The following PIP4P1 variants were observed in gnomAD, a reference collection of about 807,000 sequenced individuals.
PIP4P1 encodes the protein type 1 phosphatidylinositol 4,5-bisphosphate 4-phosphatase.
Under a neutral mutation model 32.3 loss-of-function variants are expected in PIP4P1, and 14 were observed. That is an observed-to-expected ratio of 0.43 (90% CI 0.29 to 0.68). PIP4P1 has a LOEUF of 0.68. PIP4P1 is among the 30% of genes least tolerant of loss of function. PIP4P1 has a pLI of 0.15. For synonymous variants in PIP4P1, 132 were observed against 137.9 expected, an observed-to-expected ratio of 0.96 and a Z score of 0.30; for missense variants, 289 against 364.5, an observed-to-expected ratio of 0.79 and a Z score of 1.69.
At chr14:20,460,083 C>G in intron 3 of PIP4P1, 109 bp downstream of exon 3, 2 of 839,880 alleles carry the variant, frequency 2.4e-6, no homozygotes, top group South Asian at 2.8e-5. Context: ...AAAGCCTTTT[C>G]TCCTAAATAA....
At chr14:20,458,913 A>G in intron 6 of PIP4P1, 1 of 658,926 alleles carries the variant, frequency 1.5e-6, no homozygotes, top group Non-Finnish European at 2.5e-6. Flanking sequence ...ACTGTATCTC[A>G]GTTTTTCTTA....
intron 1 of PIP4P1, 90 bp from the exon 2 acceptor site, chr14:20,460,935 TCTGA>T: frequency 7.1e-7 from 1 of 1,416,842 alleles, no homozygotes; most frequent in Non-Finnish European, 9.4e-7. Flanking sequence ...TCTTCAACCC[TCTGA>T]CCAAGCTCGG....
intron 1 of PIP4P1, 57 bp downstream of exon 1, chr14:20,461,127 T>G: frequency 7.9e-7 from 1 of 1,266,852 alleles, no homozygotes; most frequent in Non-Finnish European, 1.0e-6. Context: ...GCTTTCAGAG[T>G]ACCCCGGGGA....
At chr14:20,460,994 C>G (rs369380411) in intron 1 of PIP4P1, 149 bp from the exon 2 acceptor site, 4 of 1,265,618 alleles carry the variant, frequency 3.2e-6, no homozygotes, top group Non-Finnish European at 3.1e-6. Context: ...CTCAGAACCC[C>G]CTTCCGTCCC....
At chr14:20,459,497 C>T in intron 4 of PIP4P1, 57 bp from the exon 5 acceptor site, 2 of 1,608,276 alleles carry the variant, frequency 1.2e-6, no homozygotes, top group Non-Finnish European at 1.7e-6. Context: ...CAATGAGAAC[C>T]TTGGGGTGGG....
At chr14:20,459,066 C>A (rs1256257659) in intron 6 of PIP4P1, 140 bp downstream of exon 6, 16 of 862,052 alleles carry the variant, frequency 1.9e-5, no homozygotes, top group Non-Finnish European at 2.9e-5. Context: ...CCACTTTGCA[C>A]TTTAGCTCAT....
At chr14:20,458,880 G>A (rs769058065) in intron 6 of PIP4P1, 178 bp from the exon 7 acceptor site, 41 of 733,600 alleles carry the variant, frequency 5.6e-5, no homozygotes, top group Non-Finnish European at 8.0e-5. Context: ...TCCCTTAGGC[G>A]TAACATACTC....
chr14:20,460,788 G>C lies in PIP4P1; in HGVS notation c.200C>G (p.Pro67Arg), dbSNP rs141524792. 466 of 1,601,792 alleles carry C rather than the reference G, an allele frequency of 2.9e-4. 1 individual carries two copies. The highest frequency in any genetic ancestry group is 6.9e-4 in the Admixed American group (40 of 58,020). The change falls in exon 2 of 7, where the codon CCC (proline) becomes CGC (arginine). Residue 67 changes from proline to arginine, a missense_variant. Coordinates refer to ENST00000250489, the MANE Select transcript of PIP4P1 (RefSeq NM_144568.4). ...GTCCGGGCTAGTTAAGGGTGAATAG[G>C]GGGGTGGGTCCTCCCCAGGCAACAC... ...PAVLPGEDPP[P>R]YSPLTSPDSG...
intron 2 of PIP4P1, 178 bp downstream of exon 2, chr14:20,460,477 G>A (rs1280051147): frequency 1.3e-6 from 1 of 763,156 alleles, no homozygotes; most frequent in African/African-American, 1.8e-5. Flanking sequence ...GTGAGAGAAA[G>A]TGAACATTAG....
chr14:20,459,539 T>C, intron 4 of PIP4P1, 89 bp downstream of exon 4: 3 of 1,575,984 alleles, frequency 1.9e-6, no homozygotes, highest in South Asian at 1.1e-5. Flanking sequence ...GGACAGACCT[T>C]TCAGGGGTCA....
In PIP4P1 at chr14:20,461,424, A is replaced by G; in HGVS notation, c.-99T>C. ...CACCGCCGCCACCGCCACCGCCGCT[A>G]CCGGGTCCCCAGGGCGCCTGCGCGC... is the stretch of plus-strand genomic sequence containing the variant. On this transcript the variant is annotated 5_prime_UTR_variant, in exon 1 of 7. Transcript: ENST00000250489. The G allele has an allele frequency of 1.7e-6, 2 of 1,190,586 alleles. No homozygotes were observed. The highest frequency in any genetic ancestry group is 2.1e-6 in the Non-Finnish European group (2 of 950,798). The allele number at this position is 1,190,586 out of a possible 1,614,324, so 73.8% of individuals were successfully genotyped here. A position where few individuals can be genotyped will look rare whatever the true frequency, so the allele number is the denominator to read the frequency against.
Position 20,457,962 on chromosome 14 carries a change from T to A in PIP4P1, c.*597A>T. The A allele has an allele frequency of 3.3e-6, 1 of 298,728 alleles. No individual in the cohort carries two copies. The highest frequency in any genetic ancestry group is 3.2e-5 in the South Asian group (1 of 31,448). The allele number at this position is 298,728 out of a possible 1,614,324, so 18.5% of individuals were successfully genotyped here. A position where few individuals can be genotyped will look rare whatever the true frequency, so the allele number is the denominator to read the frequency against. ...CAGTTAAATACTGCAACTGGGGGGGTAAAAAAGGTCGGGAGGAGGAATTAA... is the reference window on the plus strand; with the variant it reads ...CAGTTAAATACTGCAACTGGGGGGGAAAAAAAGGTCGGGAGGAGGAATTAA... On this transcript the variant is annotated 3_prime_UTR_variant, in exon 7 of 7. Coordinates refer to ENST00000250489, the MANE Select transcript of PIP4P1 (RefSeq NM_144568.4).
rs1881706599 is a variant in PIP4P1, at chr14:20,461,360, T to G, written c.-35A>C. Reference sequence around the variant, plus strand: ...CGCCGCCTCCCGCTCAGGTCGGCGATCCGGCTCCCTTCGCCTCTGCCGTCG... The same window carrying G: ...CGCCGCCTCCCGCTCAGGTCGGCGAGCCGGCTCCCTTCGCCTCTGCCGTCG... On this transcript the variant is annotated 5_prime_UTR_variant, in exon 1 of 7. Transcript: ENST00000250489. 1 of 1,258,414 alleles carries G rather than the reference T, an allele frequency of 7.9e-7. No homozygotes were observed. The allele number at this position is 1,258,414 out of a possible 1,614,324, so 78.0% of individuals were successfully genotyped here.
rs889341249 is a variant in PIP4P1 at position 20,461,421 on chromosome 14, G to A, written c.-96C>T. On this transcript the variant is annotated 5_prime_UTR_variant, in exon 1 of 7. Coordinates refer to ENST00000250489, the MANE Select transcript of PIP4P1 (RefSeq NM_144568.4). ...CGCCACCGCCGCCACCGCCACCGCC[G>A]CTACCGGGTCCCCAGGGCGCCTGCG... The A allele has an allele frequency of 1.8e-5, 21 of 1,193,742 alleles. No individual in the cohort carries two copies. Among genetic ancestry groups the A allele is most frequent in the East Asian group, 3.2e-5 (1 of 31,316 alleles). The allele number at this position is 1,193,742 out of a possible 1,614,324, so 73.9% of individuals were successfully genotyped here. A position where few individuals can be genotyped will look rare whatever the true frequency, so the allele number is the denominator to read the frequency against.
Position 20,461,283 on chromosome 14 carries a change from T to C in PIP4P1, c.43A>G (p.Ile15Val), listed in dbSNP as rs947046547. 3.1e-6 allele frequency: 4 copies of C among 1,290,054 alleles called. No individual in the cohort carries two copies. The African/African-American group carries it at 6.1e-5, about 20-fold the overall frequency. 79.9% of individuals were successfully genotyped at this position (1,290,054 alleles called of 1,614,324 possible). A position where few individuals can be genotyped will look rare whatever the true frequency, so the allele number is the denominator to read the frequency against. Reference sequence around the variant, plus strand: ...CCGTTGCCGCCCGCGCCACCGTCGATGGGCTCAGACAGCAGCGGGGAACGC... The same window carrying C: ...CCGTTGCCGCCCGCGCCACCGTCGACGGGCTCAGACAGCAGCGGGGAACGC... ...GERSPLLSEP[I>V]DGGAGGNGLV... Residue 15 changes from isoleucine to valine, a missense_variant, in exon 1 of 7, where the codon ATC becomes GTC. By Grantham distance (29) the Ile-to-Val change is conservative. Around this residue, in one of 2 missense-constraint regions of PIP4P1, gnomAD observed 108 missense variants for 101.2 expected, o/e 1.07. Transcript: ENST00000250489.
Position 20,461,386 on chromosome 14 carries a change from C to A in PIP4P1, c.-61G>T. ...CCGGCTCCCTTCGCCTCTGCCGTCGCCGCAGCCACCGCCACCGCCGCCACC... is the reference window on the plus strand; with the variant it reads ...CCGGCTCCCTTCGCCTCTGCCGTCGACGCAGCCACCGCCACCGCCGCCACC... On this transcript the variant is annotated 5_prime_UTR_variant, in exon 1 of 7. Transcript: ENST00000250489. 1.2e-5 allele frequency: 15 copies of A among 1,236,868 alleles called. No individual in the cohort carries two copies. The highest frequency in any genetic ancestry group is 1.5e-5 in the Non-Finnish European group (15 of 990,640). 76.6% of individuals were successfully genotyped at this position (1,236,868 alleles called of 1,614,324 possible).
chr14:20,459,485 C>CT, intron 4 of PIP4P1, 45 bp from the exon 5 acceptor site: 1 of 1,610,996 alleles, frequency 6.2e-7, no homozygotes, highest in East Asian at 2.2e-5. Context: ...CAGGGTCTCC[C>CT]TCAATGAGAA....
chr14:20,459,471 C>T (rs1881614882), intron 4 of PIP4P1, 31 bp from the exon 5 acceptor site: 2 of 1,613,726 alleles, frequency 1.2e-6, no homozygotes, highest in African/African-American at 1.3e-5. Flanking sequence ...AATAATAGCA[C>T]AAGCAGGGTC....
chr14:20,460,924 A>T, intron 1 of PIP4P1, 79 bp from the exon 2 acceptor site: 13 of 1,452,208 alleles, frequency 9.0e-6, no homozygotes, highest in Non-Finnish European at 1.2e-5. Flanking sequence ...AGTCCTTCTG[A>T]TCTTCAACCC....
Sources: gnomAD v4.1 joint callset for allele counts on GRCh38, gnomAD v4.1.1 for gene constraint, gnomAD v4.1.1 regional missense constraint, MANE v1.5 for transcripts, NCBI Gene and HGNC (gene_info 2026-07-23, HGNC 2026-07-21) for gene names.